The following SNAPC1 variants were observed in gnomAD, a reference collection of about 807,000 sequenced individuals.
The protein encoded by SNAPC1 is snRNA-activating protein complex subunit 1.
In SNAPC1, 42 loss-of-function variants were observed where a neutral mutation model predicts 50.1. That is an observed-to-expected ratio of 0.84 (90% confidence interval 0.65 to 1.08). SNAPC1 has a LOEUF of 1.08. Ranked by LOEUF, SNAPC1 falls within the 50% of genes least tolerant of loss-of-function variation. SNAPC1 has a pLI of 0.00. For synonymous variants in SNAPC1, 164 were observed against 144.2 expected, an observed-to-expected ratio of 1.14 and a Z score of -0.98; for missense variants, 477 against 427.3, an observed-to-expected ratio of 1.12 and a Z score of -1.02.
At chr14:61,762,712 C>G in intron 1 of SNAPC1, 124 bp downstream of exon 1, 1 of 1,140,422 alleles carries the variant, frequency 8.8e-7, no homozygotes, top group Non-Finnish European at 1.3e-6. Context: ...AAGGTTGCCT[C>G]CATGACTCCT....
chr14:61,789,373 TA>T (rs111815972), intron 8 of SNAPC1, among the ~76,000 whole-genome samples: 6 of 152,046 alleles, frequency 3.9e-5, no homozygotes, highest in African/African-American at 1.2e-4. Context: ...TTTCTATTAA[TA>T]AAAAAATATA....
Position 61,796,404 on chromosome 14 carries a change from C to G in SNAPC1, c.*1421C>G, listed in dbSNP as rs569116100. The G allele has an allele frequency of 1.3e-5, 2 of 152,176 alleles. No homozygotes were observed. The highest frequency in any genetic ancestry group is 2.9e-5 in the Non-Finnish European group (2 of 68,050). The allele number at this position is 152,176 out of a possible 1,614,324, so 9.4% of individuals were successfully genotyped here. Reference sequence around the variant, plus strand: ...AAAAATCAGAATGCTAATGCTGACGCAAATAAAATTTTCATTTATTAGCAT... The same window carrying G: ...AAAAATCAGAATGCTAATGCTGACGGAAATAAAATTTTCATTTATTAGCAT... On this transcript the variant is annotated 3_prime_UTR_variant, in exon 10 of 10. Transcript: ENST00000216294.
At chr14:61,783,851 T>A (rs1043650604) in intron 8 of SNAPC1, among the ~76,000 whole-genome samples, 8 of 152,190 alleles carry the variant, frequency 5.3e-5, no homozygotes, top group Admixed American at 3.9e-4. Flanking sequence ...GTTTGGTTTT[T>A]TAAAAATTGT....
chr14:61,764,482 G>C (rs930966176), intron 1 of SNAPC1, among the ~76,000 whole-genome samples: 5 of 151,942 alleles, frequency 3.3e-5, no homozygotes, highest in Non-Finnish European at 7.4e-5. Flanking sequence ...TTTATTTATA[G>C]CTTTATTTAT....
intron 4 of SNAPC1, among the ~76,000 whole-genome samples, chr14:61,773,848 C>T (rs2045013864): frequency 6.6e-6 from 1 of 151,986 alleles, no homozygotes; most frequent in Non-Finnish European, 1.5e-5. Flanking sequence ...GCTCGGACAA[C>T]AGGCACCCGC....
chr14:61,788,508 C>T (rs1267386487), intron 8 of SNAPC1, among the ~76,000 whole-genome samples: 3 of 152,040 alleles, frequency 2.0e-5, no homozygotes, highest in African/African-American at 7.2e-5. Flanking sequence ...AGAAAAGGGC[C>T]ACCACCCAGT....
chr14:61,770,635 A>G (rs2044981809), intron 4 of SNAPC1, among the ~76,000 whole-genome samples: 1 of 152,108 alleles, frequency 6.6e-6, no homozygotes, highest in African/African-American at 2.4e-5. Flanking sequence ...TGTTCTGTAA[A>G]GTAACTTTAT....
chr14:61,762,979 G>GTTTTTTTTTTT (rs1384010616), intron 1 of SNAPC1, among the ~76,000 whole-genome samples: 1 of 74,366 alleles, frequency 1.3e-5, no homozygotes, highest in Admixed American at 2.0e-4. Flanking sequence ...AACCAAAGTT[G>GTTTTTTTTTTT]TCTTTTTTTT....
At chr14:61,771,417 G>T (rs2044990544) in intron 4 of SNAPC1, among the ~76,000 whole-genome samples, 1 of 152,216 alleles carries the variant, frequency 6.6e-6, no homozygotes. Flanking sequence ...CTGGTCTGAG[G>T]TGGGACTGGG....
At chr14:61,784,092 G>T (rs1304561062) in intron 8 of SNAPC1, among the ~76,000 whole-genome samples, 2 of 149,444 alleles carry the variant, frequency 1.3e-5, no homozygotes, top group Non-Finnish European at 3.0e-5. Flanking sequence ...ATATGTCCCA[G>T]ATATGATTAA....
intron 4 of SNAPC1, among the ~76,000 whole-genome samples, chr14:61,770,741 CTT>C (rs931799459): frequency 1.3e-5 from 2 of 151,002 alleles, no homozygotes; most frequent in African/African-American, 4.9e-5. Context: ...CATATGGATC[CTT>C]TTTTTTTGAG....
At chr14:61,763,230 A>T (rs1594897630) in intron 1 of SNAPC1, among the ~76,000 whole-genome samples, 1 of 128,482 alleles carries the variant, frequency 7.8e-6, no homozygotes, top group Non-Finnish European at 1.6e-5. Context: ...TGATCTCGTG[A>T]CCCGCCCGCC....
At chr14:61,763,648 C>T (rs891109376) in intron 1 of SNAPC1, among the ~76,000 whole-genome samples, 19 of 152,068 alleles carry the variant, frequency 1.2e-4, no homozygotes, top group African/African-American at 4.3e-4. Context: ...ACTGAGTACG[C>T]TGTTCATGTT....
chr14:61,780,322 C>T (rs2045062991), intron 7 of SNAPC1, among the ~76,000 whole-genome samples: 1 of 152,170 alleles, frequency 6.6e-6, no homozygotes, highest in South Asian at 2.1e-4. Context: ...TCCTTTGAGC[C>T]CACATCCTTT....
At chr14:61,779,708 G>GT (rs5809124) in intron 7 of SNAPC1, among the ~76,000 whole-genome samples, 76,120 of 115,430 alleles carry the variant, frequency 0.66, 26,034 homozygotes, top group Non-Finnish European at 0.71. Context: ...CACTTTGTTG[G>GT]TTTTTTTTTT....
At chr14:61,768,791 A>G (rs562464520) in intron 4 of SNAPC1, 51 bp downstream of exon 4, 2 of 933,070 alleles carry the variant, frequency 2.1e-6, no homozygotes, top group East Asian at 4.9e-5. Flanking sequence ...TTTTATTGCC[A>G]ACTACATATT....
chr14:61,793,169 G>T (rs2045164886), intron 9 of SNAPC1, among the ~76,000 whole-genome samples: 1 of 152,196 alleles, frequency 6.6e-6, no homozygotes, highest in Admixed American at 6.5e-5. Flanking sequence ...CCTCTGACCT[G>T]CTTTCATCTG....
At chr14:61,790,465 A>G (rs1442160823) in intron 8 of SNAPC1, among the ~76,000 whole-genome samples, 3 of 152,130 alleles carry the variant, frequency 2.0e-5, no homozygotes, top group African/African-American at 7.2e-5. Context: ...CCTCCCCACT[A>G]GCTGTGATTA....
intron 5 of SNAPC1, 86 bp from the exon 6 acceptor site, chr14:61,777,986 C>A (rs2045046928): frequency 3.3e-6 from 2 of 604,430 alleles, no homozygotes; most frequent in South Asian, 2.6e-5. Flanking sequence ...AAAATGATTT[C>A]TCACCATTCT....
Sources: allele counts gnomAD v4.1 joint callset (sites outside exome capture counted in the v4.1 genomes callset), GRCh38; gene constraint gnomAD v4.1.1; transcripts MANE v1.5; gene names NCBI Gene and HGNC (gene_info 2026-07-23, HGNC 2026-07-21).